The following ST6GALNAC2 variants were observed in gnomAD, a reference collection of about 807,000 sequenced individuals.
ST6GALNAC2 encodes alpha-N-acetylgalactosaminide alpha-2,6-sialyltransferase 2.
In ST6GALNAC2, 42 loss-of-function variants were observed where a neutral mutation model predicts 38.7. The ratio of observed to expected loss-of-function variants is 1.09; its 90% CI spans 0.85 to 1.40. ST6GALNAC2 has a LOEUF of 1.40. ST6GALNAC2 is among the 40% of genes most tolerant of loss of function. The probability of loss-of-function intolerance (pLI) is 0.00; values close to 1 mark genes in which losing one functional copy is unlikely to be tolerated. For synonymous variants in ST6GALNAC2, 233 were observed against 209.0 expected (o/e 1.11, Z -0.99); for missense variants, 506 against 481.7 (o/e 1.05, Z -0.47).
Position 76,574,507 on chromosome 17 carries a change from G to A in ST6GALNAC2, c.219C>T (p.Ala73=), listed in dbSNP as rs781494858. 1 of 1,613,678 alleles carries A rather than the reference G, an allele frequency of 6.2e-7. No individual in the cohort carries two copies. The highest frequency in any genetic ancestry group is 8.5e-7 in the Non-Finnish European group (1 of 1,179,940). Residue 73 remains alanine (A), a synonymous_variant, in exon 3 of 9, where the codon GCC becomes GCT. Coordinates refer to ENST00000225276, the MANE Select transcript of ST6GALNAC2 (RefSeq NM_006456.3). ...GQACRHLLHL[A]IQRHPHFRGL... is the part of the protein sequence containing the mutation. ...CACGGAAGTGGGGGTGCCGCTGAAT[G>A]GCCAGGTGAAGCAGGTGTCGGCAGG...
chr17:76,582,202 CACTT>C (rs1461450525), intron 1 of ST6GALNAC2, among the ~76,000 whole-genome samples: 2 of 95,942 alleles, frequency 2.1e-5, no homozygotes, highest in Admixed American at 1.5e-4. Flanking sequence ...GACAGGGTCT[CACTT>C]TGTCACTCAG....
intron 7 of ST6GALNAC2, 187 bp downstream of exon 7, chr17:76,568,526 C>A: frequency 1.6e-6 from 1 of 616,320 alleles, no homozygotes. Context: ...ATATCACCCT[C>A]CCTCTATCAA....
chr17:76,580,212 A>G (rs764306227), intron 1 of ST6GALNAC2, among the ~76,000 whole-genome samples: 18 of 152,182 alleles, frequency 1.2e-4, no homozygotes, highest in Admixed American at 2.6e-4. Flanking sequence ...CGAGGTCAGG[A>G]GTTCGAGACC....
intron 1 of ST6GALNAC2, 78 bp downstream of exon 1, chr17:76,585,606 G>C: frequency 7.1e-7 from 1 of 1,401,774 alleles, no homozygotes; most frequent in Non-Finnish European, 9.2e-7. Flanking sequence ...GCGGGCCGCC[G>C]GGGAGCCCTG....
At position 76,574,374 on chromosome 17, in the gene ST6GALNAC2, A is replaced by T. The variant is rs761911942; in HGVS notation, c.352T>A (p.Ser118Thr). 6.2e-6 allele frequency: 10 copies of T among 1,612,234 alleles called. No individual in the cohort carries two copies. The highest frequency in any genetic ancestry group is 8.5e-6 in the Non-Finnish European group (10 of 1,179,080). The change falls in exon 3 of 9, where the codon TCT (serine) becomes ACT (threonine). Residue 118 changes from serine (S) to threonine (T), a missense_variant. Coordinates refer to ENST00000225276, the MANE Select transcript of ST6GALNAC2 (RefSeq NM_006456.3). ...AGCGGGCGCGGGTTACCTTGGTGAG[A>T]GAGCCCCCGCCAGCCATACGGGGCT... ...HKAPYGWRGLSHQVIASTLSL... is the reference protein window; with the variant it reads ...HKAPYGWRGLTHQVIASTLSL...
At chr17:76,575,593 T>C (rs1372076527) in intron 2 of ST6GALNAC2, among the ~76,000 whole-genome samples, 1 of 152,246 alleles carries the variant, frequency 6.6e-6, no homozygotes, top group African/African-American at 2.4e-5. Flanking sequence ...ACCTTGATTC[T>C]GGGCTTCTGG....
rs1184667428 is a variant in ST6GALNAC2 at position 76,585,667 on chromosome 17, C to A, written c.125+17G>T. The A allele has an allele frequency of 1.3e-6, 2 of 1,516,988 alleles. No homozygotes were observed. Among genetic ancestry groups the A allele is most frequent in the South Asian group, 1.2e-5 (1 of 82,380 alleles). The allele number at this position is 1,516,988 out of a possible 1,614,324, so 94.0% of individuals were successfully genotyped here. A position where few individuals can be genotyped will look rare whatever the true frequency, so the allele number is the denominator to read the frequency against. On this transcript the variant is annotated intron_variant, in intron 1 of 8. Coordinates refer to ENST00000225276, the MANE Select transcript of ST6GALNAC2 (RefSeq NM_006456.3). The stretch of plus-strand genomic sequence containing the variant: ...GTCGCCCCTGCGCCCTCCCGCTCTG[C>A]GCTCGGCAGCCCCTACCTGGCTCCG...
At chr17:76,584,729 C>T (rs1388998680) in intron 1 of ST6GALNAC2, among the ~76,000 whole-genome samples, 4 of 152,220 alleles carry the variant, frequency 2.6e-5, no homozygotes, top group Non-Finnish European at 5.9e-5. Context: ...TATCCTTTGA[C>T]AGCATCTGTG....
At chr17:76,581,955 C>T (rs1240380804) in intron 1 of ST6GALNAC2, among the ~76,000 whole-genome samples, 1 of 152,036 alleles carries the variant, frequency 6.6e-6, no homozygotes, top group Non-Finnish European at 1.5e-5. Context: ...GCAACCTCCA[C>T]CTCCTGGGTT....
At position 76,573,868 on chromosome 17, in the gene ST6GALNAC2, G is replaced by A. The variant is rs1235415981; in HGVS notation, c.361+497C>T. On this transcript the variant is annotated intron_variant, in intron 3 of 8. Coordinates refer to ENST00000225276, the MANE Select transcript of ST6GALNAC2 (RefSeq NM_006456.3). The surrounding 1 kb of genome is among the most constrained non-coding windows in gnomAD (Gnocchi z 5.1). ...TTGAACCCGGGAGGCGGAGGTTGTA[G>A]TGAGCTGAGATTGTGCCATTGCACT... Among the ~76,000 whole-genome samples, 1 of 152,246 alleles carries A rather than the reference G, an allele frequency of 6.6e-6. No individual in the cohort carries two copies.
At chr17:76,584,389 T>C (rs1426416803) in intron 1 of ST6GALNAC2, among the ~76,000 whole-genome samples, 1 of 152,070 alleles carries the variant, frequency 6.6e-6, no homozygotes, top group Non-Finnish European at 1.5e-5. Context: ...AGAGACGAGG[T>C]TTCGCCATGT....
chr17:76,567,403 G>T, intron 8 of ST6GALNAC2, 50 bp downstream of exon 8: 1 of 1,365,426 alleles, frequency 7.3e-7, no homozygotes, highest in Non-Finnish European at 1.0e-6. Context: ...GTTGGGTTCT[G>T]TTATCCTGTG....
In ST6GALNAC2 at chr17:76,572,777, T is replaced by A. The variant is rs770838655; in HGVS notation, c.531-2A>T. On this transcript the variant is annotated splice_acceptor_variant, in intron 4 of 8. Transcript: ENST00000225276. LOFTEE classifies it high-confidence loss of function. ...CCTTTGATCACAGCTCCATTGAGTC[T>A]GGTTGGCACAGAGGCCCATCAGTGT... 5 of 1,613,966 alleles carry A rather than the reference T, an allele frequency of 3.1e-6. No individual in the cohort carries two copies. Among genetic ancestry groups the A allele is most frequent in the African/African-American group, 1.3e-5 (1 of 74,938 alleles).
At position 76,573,061 on chromosome 17, in the gene ST6GALNAC2, C is replaced by G. The variant is rs2143300685; in HGVS notation, c.530+134G>C. 5 of 1,035,980 alleles carry G rather than the reference C, an allele frequency of 4.8e-6. No individual in the cohort carries two copies. In the South Asian group the frequency reaches 6.5e-5, roughly 14 times the overall value. The allele number at this position is 1,035,980 out of a possible 1,614,324, so 64.2% of individuals were successfully genotyped here. A position where few individuals can be genotyped will look rare whatever the true frequency, so the allele number is the denominator to read the frequency against. On this transcript the variant is annotated intron_variant, in intron 4 of 8. Transcript: ENST00000225276. The surrounding 1 kb of genome is among the most constrained non-coding windows in gnomAD (Gnocchi z 5.1). The stretch of plus-strand genomic sequence containing the variant: ...GGCCTACTGTTTGTTTTTGCCTTGT[C>G]CATGCCCGTGTGCTGGTCACAACTG...
chr17:76,579,161 T>C (rs1470423877), intron 1 of ST6GALNAC2, among the ~76,000 whole-genome samples: 1 of 152,254 alleles, frequency 6.6e-6, no homozygotes, highest in Non-Finnish European at 1.5e-5. Context: ...TCAGGTGATC[T>C]GCCCACCTTG....
intron 6 of ST6GALNAC2, chr17:76,569,660 A>G (rs2075330121): frequency 7.6e-6 from 3 of 396,176 alleles, no homozygotes; most frequent in African/African-American, 2.1e-5. Context: ...GGTGTTGGGG[A>G]GGCTTAGGTC....
intron 1 of ST6GALNAC2, among the ~76,000 whole-genome samples, chr17:76,581,639 A>G (rs1230154158): frequency 6.6e-6 from 1 of 152,046 alleles, no homozygotes; most frequent in Non-Finnish European, 1.5e-5. Flanking sequence ...ACTTTAGAGT[A>G]TCCCTGGTGC....
chr17:76,567,084 A>T (rs1428630239), intron 8 of ST6GALNAC2, among the ~76,000 whole-genome samples: 1 of 152,144 alleles, frequency 6.6e-6, no homozygotes, highest in Non-Finnish European at 1.5e-5. Flanking sequence ...GAATGTCCCT[A>T]TTTGGCCCAG....
chr17:76,582,709 T>C (rs11655255), intron 1 of ST6GALNAC2, among the ~76,000 whole-genome samples: 15,291 of 152,238 alleles, frequency 0.1, 897 homozygotes, highest in South Asian at 0.15. Flanking sequence ...GTAGACCCTG[T>C]CCCAGATGCC....
Sources: gnomAD v4.1 joint callset for allele counts (sites outside exome capture counted in the v4.1 genomes callset) on GRCh38, gnomAD v4.1.1 for gene constraint, Gnocchi (gnomAD v3.1) non-coding constraint, MANE v1.5 for transcripts, NCBI Gene and HGNC (gene_info 2026-07-23, HGNC 2026-07-21) for gene names.